The following NYAP2 variants were observed in gnomAD, a reference collection of about 807,000 sequenced individuals.
The protein encoded by NYAP2 is neuronal tyrosine-phosphorylated phosphoinositide-3-kinase adapter 2.
A neutral mutation model predicts 50.4 loss-of-function variants in NYAP2; 23 were observed. The observed-to-expected ratio is 0.46, with a 90% CI of 0.33 to 0.65. NYAP2 has a LOEUF of 0.65. NYAP2 is among the 30% of genes least tolerant of loss of function. The pLI is 0.02. For missense variants in NYAP2, 885 were observed against 861.0 expected (o/e 1.03, Z -0.35); for synonymous variants, 394 against 365.2 (o/e 1.08, Z -0.90).
At chr2:225,464,960 G>T (rs183085840) in intron 3 of NYAP2, among the ~76,000 whole-genome samples, 1 of 152,308 alleles carries the variant, frequency 6.6e-6, no homozygotes, top group Non-Finnish European at 1.5e-5. Flanking sequence ...AGCATAGGGT[G>T]AGCTAGTTAG....
chr2:225,677,031 C>A, the NYAP2 span, among the ~76,000 whole-genome samples: 1 of 152,258 alleles, frequency 6.6e-6, no homozygotes. Context: ...ATTCTTCCAA[C>A]CCATGAGCAT....
intron 5 of NYAP2, among the ~76,000 whole-genome samples, chr2:225,603,048 T>C (rs1237677198): frequency 1.3e-5 from 2 of 152,222 alleles, no homozygotes; most frequent in African/African-American, 4.8e-5. Flanking sequence ...TTGCTTAGAA[T>C]TGACATCTTA....
chr2:225,600,405 T>C (rs1692673269), intron 5 of NYAP2, among the ~76,000 whole-genome samples: 1 of 152,176 alleles, frequency 6.6e-6, no homozygotes, highest in South Asian at 2.1e-4. Context: ...AGCTGCATAA[T>C]TTCTAATCTT....
the NYAP2 span, among the ~76,000 whole-genome samples, chr2:225,666,595 G>GGTTGA: frequency 6.6e-6 from 1 of 152,104 alleles, no homozygotes; most frequent in Non-Finnish European, 1.5e-5. Flanking sequence ...ATTGATAATT[G>GGTTGA]GTTGAGTTTG....
chr2:225,547,141 G>T lies in NYAP2; in HGVS notation c.523+33469G>T, dbSNP rs1258590758. ...GGAATCCCTTTTGTTGCCGTAAGCT[G>T]CACTGCCAAGCAAACCATTAGGTTT... On this transcript the variant is annotated intron_variant, in intron 4 of 6. Transcript: ENST00000636099. Among the ~76,000 whole-genome samples the T allele has an allele frequency of 2.0e-5, 3 of 152,086 alleles. No homozygotes were observed. In the East Asian group the frequency reaches 5.8e-4, roughly 29 times the overall value.
chr2:225,635,452 T>G (rs1693397168), intron 6 of NYAP2, among the ~76,000 whole-genome samples: 1 of 152,204 alleles, frequency 6.6e-6, no homozygotes, highest in Non-Finnish European at 1.5e-5. Flanking sequence ...ATGGAATGCT[T>G]GGTACAAAGC....
chr2:225,518,237 TA>T (rs1235467659), intron 4 of NYAP2, among the ~76,000 whole-genome samples: 1 of 151,754 alleles, frequency 6.6e-6, no homozygotes, highest in Non-Finnish European at 1.5e-5. Context: ...AGACATTATG[TA>T]AAATGAAATT....
At chr2:225,491,844 T>C (rs1053513634) in intron 3 of NYAP2, among the ~76,000 whole-genome samples, 2 of 152,254 alleles carry the variant, frequency 1.3e-5, no homozygotes, top group African/African-American at 4.8e-5. Flanking sequence ...TTCTCCAGGC[T>C]GTAAAAGCTT....
chr2:225,523,342 A>G (rs1379450370), intron 4 of NYAP2, among the ~76,000 whole-genome samples: 1 of 151,960 alleles, frequency 6.6e-6, no homozygotes, highest in East Asian at 1.9e-4. Context: ...ACCAAAAAAA[A>G]AAACCTCCCT....
intron 4 of NYAP2, among the ~76,000 whole-genome samples, chr2:225,519,108 T>G (rs1392222369): frequency 6.6e-6 from 1 of 152,012 alleles, no homozygotes; most frequent in Non-Finnish European, 1.5e-5. Context: ...GTTGTAATAA[T>G]CTTTTAACAA....
At chr2:225,431,067 T>A (rs1695358964) in intron 3 of NYAP2, among the ~76,000 whole-genome samples, 1 of 152,220 alleles carries the variant, frequency 6.6e-6, no homozygotes, top group Non-Finnish European at 1.5e-5. Context: ...TTTAGATTGG[T>A]TTGACTTACA....
rs190146657 is a variant in NYAP2, at chr2:225,559,426, A to C, written c.524-22515A>C. Among the ~76,000 whole-genome samples, 551 of 152,216 alleles carry C rather than the reference A, an allele frequency of 3.6e-3. 9 individuals are homozygous for C. The highest frequency in any genetic ancestry group is 0.032 in the Admixed American group (493 of 15,270). ...TCTGACCTCAATTAGAAAAAGCAGA[A>C]ATATTTCTAAGGATTGCTTCTGAGA... On this transcript the variant is annotated intron_variant, in intron 4 of 6. Coordinates refer to ENST00000636099, the Ensembl canonical transcript of NYAP2.
intron 3 of NYAP2, among the ~76,000 whole-genome samples, chr2:225,512,314 C>G (rs559721941): frequency 2.0e-5 from 3 of 152,140 alleles, no homozygotes; most frequent in African/African-American, 7.2e-5. Flanking sequence ...CAGGATCAAA[C>G]GATATTTAAG....
intron 4 of NYAP2, among the ~76,000 whole-genome samples, chr2:225,534,616 G>A (rs1287253478): frequency 6.6e-6 from 1 of 152,178 alleles, no homozygotes; most frequent in Non-Finnish European, 1.5e-5. Flanking sequence ...GAAATTTTAA[G>A]TAGAGGACAG....
chr2:225,587,138 C>T (rs76056769), intron 5 of NYAP2, among the ~76,000 whole-genome samples: 7,782 of 152,224 alleles, frequency 0.051, 633 homozygotes, highest in African/African-American at 0.18. Flanking sequence ...TCCCACCTGG[C>T]CCCTCCCTTA....
At chr2:225,551,440 T>C (rs1214527166) in intron 4 of NYAP2, among the ~76,000 whole-genome samples, 1 of 152,248 alleles carries the variant, frequency 6.6e-6, no homozygotes, top group Admixed American at 6.5e-5. Flanking sequence ...AAACTTCCAG[T>C]TGAATGTAGT....
intron 3 of NYAP2, among the ~76,000 whole-genome samples, chr2:225,508,869 AGGT>A (rs1446967647): frequency 1.3e-5 from 2 of 152,162 alleles, no homozygotes; most frequent in Non-Finnish European, 2.9e-5. Flanking sequence ...TCCTCAGAGG[AGGT>A]TCTCTGTTGA....
At chr2:225,633,097 A>G (rs1197328194) in intron 6 of NYAP2, among the ~76,000 whole-genome samples, 2 of 152,166 alleles carry the variant, frequency 1.3e-5, no homozygotes, top group African/African-American at 2.4e-5. Context: ...AATTGAGTGG[A>G]AAGAGAATAT....
chr2:225,653,376 T>A (rs1278792321), exon 7 of NYAP2: 21 of 152,230 alleles, frequency 1.4e-4, no homozygotes, highest in Admixed American at 1.4e-3. Context: ...GTTCTTGGGA[T>A]AAACTTCCAG....
Sources: allele counts gnomAD v4.1 joint callset (sites outside exome capture counted in the v4.1 genomes callset), GRCh38; gene constraint gnomAD v4.1.1; transcripts MANE v1.5; gene names NCBI Gene and HGNC (gene_info 2026-07-23, HGNC 2026-07-21).